The following RBM39 variants were observed in gnomAD, a reference collection of about 807,000 sequenced individuals.
RBM39 encodes the protein RNA-binding protein 39.
A neutral mutation model predicts 79.6 loss-of-function variants in RBM39; 12 were observed. That is an observed-to-expected ratio of 0.15 (90% CI 0.10 to 0.24). RBM39 has a LOEUF of 0.24. RBM39 is among the 10% of genes least tolerant of loss of function. RBM39 has a pLI of 1.00. For synonymous variants in RBM39, 185 were observed against 208.4 expected (o/e 0.89, Z 0.97); for missense variants, 243 against 653.4 (o/e 0.37, Z 6.85).
At chr20:35,739,676 T>C (rs2146755942) in intron 2 of RBM39, 1 of 353,908 alleles carries the variant, frequency 2.8e-6, no homozygotes, top group Non-Finnish European at 5.8e-6. Context: ...TGGAATTACA[T>C]CCATGTTAAA....
At chr20:35,707,259 A>G (rs2035857913) in intron 13 of RBM39, 58 bp from the exon 14 acceptor site, 1 of 1,263,884 alleles carries the variant, frequency 7.9e-7, no homozygotes, top group African/African-American at 1.5e-5. Flanking sequence ...TATCCCTCAT[A>G]AATACTTTAA....
Position 35,704,660 on chromosome 20 carries a change from A to G in RBM39, c.1492+8T>C, listed in dbSNP as rs2035502793. The G allele has an allele frequency of 3.1e-6, 5 of 1,613,852 alleles. No homozygotes were observed. The East Asian group carries it at 1.1e-4, about 36-fold the overall frequency. ...TAACAATCAGTCAAAAAATAAATTCAAACTCACCAGCAAACCACCTGCCAT... is the reference window on the plus strand; with the variant it reads ...TAACAATCAGTCAAAAAATAAATTCGAACTCACCAGCAAACCACCTGCCAT... On this transcript the variant is annotated splice_region_variant and intron_variant, in intron 16 of 16. Transcript: ENST00000253363.
At chr20:35,737,033 C>A (rs79728638) in intron 3 of RBM39, among the ~76,000 whole-genome samples, 2 of 149,964 alleles carry the variant, frequency 1.3e-5, no homozygotes, top group Non-Finnish European at 3.0e-5. Flanking sequence ...CCAAGGCGGG[C>A]GGATCATGAG....
chr20:35,708,846 A>G (rs1012520382), intron 13 of RBM39: 1 of 191,804 alleles, frequency 5.2e-6, no homozygotes, highest in South Asian at 8.9e-5. Flanking sequence ...ACTTTATACT[A>G]AGACAACTTC....
chr20:35,738,028 G>T (rs748693889), intron 3 of RBM39, among the ~76,000 whole-genome samples: 1 of 151,616 alleles, frequency 6.6e-6, no homozygotes, highest in East Asian at 1.9e-4. Flanking sequence ...GTGATGGCGC[G>T]CGCCTGTAGT....
At chr20:35,707,262 T>C in intron 13 of RBM39, 61 bp from the exon 14 acceptor site, 2 of 1,273,326 alleles carry the variant, frequency 1.6e-6, no homozygotes, top group Non-Finnish European at 2.2e-6. Flanking sequence ...CCCTCATAAA[T>C]ACTTTAAAAC....
In RBM39 at chr20:35,712,501, T is replaced by G. The variant is rs555416156; in HGVS notation, c.1174+518A>C. 2.0e-4 allele frequency among the ~76,000 whole-genome samples: 30 copies of G among 150,434 alleles called. No homozygotes were observed. In the South Asian group the frequency reaches 5.9e-3, roughly 30 times the overall value. On this transcript the variant is annotated intron_variant, in intron 12 of 16. Coordinates refer to ENST00000253363, the MANE Select transcript of RBM39 (RefSeq NM_184234.3). ...GGGGCACAGGGGAATGAGTGTTTTA[T>G]GAACTAAATCCCTTTATACATAATT...
At chr20:35,713,947 C>T (rs1183554289) in intron 11 of RBM39, 1 of 471,920 alleles carries the variant, frequency 2.1e-6, no homozygotes, top group Non-Finnish European at 3.8e-6. Context: ...GACATATAAA[C>T]ACTACATAAA....
intron 3 of RBM39, among the ~76,000 whole-genome samples, chr20:35,733,341 C>T (rs1198746868): frequency 6.7e-6 from 1 of 150,242 alleles, no homozygotes; most frequent in African/African-American, 2.5e-5. Flanking sequence ...AGTGCGGTGG[C>T]TCACACCTGT....
At chr20:35,735,907 A>G (rs1032943743) in intron 3 of RBM39, among the ~76,000 whole-genome samples, 3 of 152,186 alleles carry the variant, frequency 2.0e-5, no homozygotes, top group African/African-American at 7.2e-5. Flanking sequence ...AATATCACAC[A>G]TGGAGAACTT....
At chr20:35,710,968 T>C (rs529626702) in intron 12 of RBM39, among the ~76,000 whole-genome samples, 44 of 152,272 alleles carry the variant, frequency 2.9e-4, no homozygotes, top group African/African-American at 1.0e-3. Context: ...ATTCAAACAA[T>C]CTTAATATAT....
intron 8 of RBM39, among the ~76,000 whole-genome samples, chr20:35,722,795 G>A (rs968083693): frequency 2.0e-5 from 3 of 151,998 alleles, no homozygotes; most frequent in East Asian, 3.9e-4. Flanking sequence ...TTAGCCGGGC[G>A]TGGTGGCAGG....
At chr20:35,740,490 G>A (rs1329953371) in intron 2 of RBM39, 6 of 1,221,426 alleles carry the variant, frequency 4.9e-6, no homozygotes, top group Non-Finnish European at 6.6e-6. Context: ...TTACCTAGGG[G>A]ACCACGGTAC....
Position 35,731,958 on chromosome 20 carries a change from G to A in RBM39, c.279C>T (p.Gly93=). ...TTACATACTAAGGACTTCTGTAGCG[G>A]CCTCTAAATCTTCGATCTCGACTTC... The part of the protein sequence containing the change: ...RSRSRDRRFR[G]RYRSPYSGPK... The change falls in exon 4 of 17, where the codon GGC becomes GGT. Residue 93 remains glycine (G), a synonymous_variant. Coordinates refer to ENST00000253363, the MANE Select transcript of RBM39 (RefSeq NM_184234.3). 3.1e-6 allele frequency: 5 copies of A among 1,613,934 alleles called. No homozygotes were observed. The highest frequency in any genetic ancestry group is 1.1e-5 in the South Asian group (1 of 91,072).
In RBM39 at chr20:35,709,128, T is replaced by A; in HGVS notation, c.1225+96A>T. 3 of 1,147,978 alleles carry A rather than the reference T, an allele frequency of 2.6e-6. No individual in the cohort carries two copies. In the South Asian group the frequency reaches 4.5e-5, roughly 17 times the overall value. 71.1% of individuals were successfully genotyped at this position (1,147,978 alleles called of 1,614,324 possible). On this transcript the variant is annotated intron_variant, in intron 13 of 16. Coordinates refer to ENST00000253363, the MANE Select transcript of RBM39 (RefSeq NM_184234.3). ...TGTGTCAAAATTTGGTCCAAATTAC[T>A]GGTATAAAAATATGACAATAAATAT...
chr20:35,725,956 AC>A (rs1025382185), intron 6 of RBM39, among the ~76,000 whole-genome samples: 15 of 151,088 alleles, frequency 9.9e-5, no homozygotes, highest in African/African-American at 3.4e-4. Context: ...GAGGCACCGC[AC>A]CCGGCCAACC....
At chr20:35,735,056 G>A (rs759842170) in intron 3 of RBM39, 1 of 1,571,618 alleles carries the variant, frequency 6.4e-7, no homozygotes, top group African/African-American at 1.4e-5. Flanking sequence ...CATGTAAGAA[G>A]ATCTAAATTT....
In RBM39 at chr20:35,716,798, C is replaced by T; in HGVS notation, c.833G>A (p.Ser278Asn). 6.3e-7 allele frequency: 1 copy of T among 1,598,632 alleles called. No homozygotes were observed. Among genetic ancestry groups the T allele is most frequent in the Non-Finnish European group, 8.6e-7 (1 of 1,169,364 alleles). Reference sequence around the variant, plus strand: ...TTCACTGTCCATCATCAGCTGGATACTTTCAATCTATAATTGAAAAGCATA... The same window carrying T: ...TTCACTGTCCATCATCAGCTGGATATTTTCAATCTATAATTGAAAAGCATA... ...GIFEPFGRIE[S>N]IQLMMDSETG... The change falls in exon 10 of 17, where the codon AGT (serine) becomes AAT (asparagine). Residue 278 changes from serine (S) to asparagine (N), a missense_variant. Coordinates refer to ENST00000253363, the MANE Select transcript of RBM39 (RefSeq NM_184234.3).
chr20:35,728,931 C>T (rs1287850926), intron 6 of RBM39, among the ~76,000 whole-genome samples: 4 of 151,758 alleles, frequency 2.6e-5, no homozygotes, highest in Admixed American at 2.0e-4. Context: ...AAAAAAATAG[C>T]GAGGCATGGT....
Sources: allele counts gnomAD v4.1 joint callset (sites outside exome capture counted in the v4.1 genomes callset), GRCh38; gene constraint gnomAD v4.1.1; transcripts MANE v1.5; gene names NCBI Gene and HGNC (gene_info 2026-07-23, HGNC 2026-07-21).